The following RORA variants were observed in gnomAD, a reference collection of about 807,000 sequenced individuals.
RORA encodes nuclear receptor ROR-alpha.
Under a neutral mutation model 69.5 loss-of-function variants are expected in RORA, and 7 were observed. That is an observed-to-expected ratio of 0.10 (90% confidence interval 0.06 to 0.19). RORA has a LOEUF of 0.19. Ranked by LOEUF, RORA falls within the 10% of genes least tolerant of loss-of-function variation. The pLI is 1.00. For missense variants in RORA, 457 were observed against 663.0 expected, an observed-to-expected ratio of 0.69 and a Z score of 3.41; for synonymous variants, 261 against 240.8, an observed-to-expected ratio of 1.08 and a Z score of -0.78.
chr15:60,980,273 T>A (rs989751265), intron 1 of RORA, among the ~76,000 whole-genome samples: 1 of 152,194 alleles, frequency 6.6e-6, no homozygotes, highest in African/African-American at 2.4e-5. Context: ...GCTGTTGGAT[T>A]CTGTTTGCTA....
At chr15:60,892,595 T>C (rs1281567557) in intron 1 of RORA, among the ~76,000 whole-genome samples, 1 of 152,214 alleles carries the variant, frequency 6.6e-6, no homozygotes, top group Admixed American at 6.5e-5. Context: ...GTATCACGAA[T>C]ATACAATCAA....
intron 1 of RORA, among the ~76,000 whole-genome samples, chr15:60,775,354 A>G (rs1168094578): frequency 1.3e-5 from 2 of 152,096 alleles, no homozygotes; most frequent in Non-Finnish European, 2.9e-5. Context: ...AAGGAAAAAA[A>G]CCCCTGATTT....
chr15:60,871,510 A>T (rs957078314), intron 1 of RORA, among the ~76,000 whole-genome samples: 2 of 152,210 alleles, frequency 1.3e-5, no homozygotes, highest in Admixed American at 1.3e-4. Flanking sequence ...GCCATTCATC[A>T]AATAAATATT....
intron 1 of RORA, among the ~76,000 whole-genome samples, chr15:60,943,296 G>A (rs942940117): frequency 4.0e-5 from 6 of 148,824 alleles, no homozygotes; most frequent in Middle Eastern, 3.5e-3. Context: ...CCTCTCACAT[G>A]TCTTTCTTAA....
chr15:60,986,018 G>A (rs970688670), intron 1 of RORA, among the ~76,000 whole-genome samples: 3 of 152,222 alleles, frequency 2.0e-5, no homozygotes, highest in African/African-American at 7.2e-5. Flanking sequence ...GCAGTGAAAA[G>A]TCCCTGGGCC....
intron 1 of RORA, among the ~76,000 whole-genome samples, chr15:60,990,245 A>G (rs1326510124): frequency 6.6e-6 from 1 of 152,186 alleles, no homozygotes; most frequent in African/African-American, 2.4e-5. Flanking sequence ...TTTTAATTTG[A>G]CAATTAATAG....
chr15:60,656,217 G>A (rs2070219823), intron 2 of RORA, among the ~76,000 whole-genome samples: 1 of 152,140 alleles, frequency 6.6e-6, no homozygotes, highest in Non-Finnish European at 1.5e-5. Flanking sequence ...CGGAAACCAG[G>A]CCTAGCTGGA....
intron 2 of RORA, among the ~76,000 whole-genome samples, chr15:60,656,140 A>T (rs1319931979): frequency 6.6e-6 from 1 of 152,200 alleles, no homozygotes; most frequent in Non-Finnish European, 1.5e-5. Context: ...ATTGGCCCTT[A>T]GAATCAGAAT....
At chr15:60,544,142 C>G (rs1479050117) in intron 2 of RORA, among the ~76,000 whole-genome samples, 1 of 152,192 alleles carries the variant, frequency 6.6e-6, no homozygotes, top group African/African-American at 2.4e-5. Context: ...CCCTCTTTCT[C>G]CAGAGCTCAG....
In RORA at chr15:61,093,151, G is replaced by A. The variant is rs111398797; in HGVS notation, c.166+135902C>T. ...CCTATCTCATGTGACTGCAGTCACA[G>A]TATTTACTCATTTATTCCACAAAGA... On this transcript the variant is annotated intron_variant, in intron 1 of 10. Transcript: ENST00000335670. Among the ~76,000 whole-genome samples, 784 of 152,278 alleles carry A rather than the reference G, an allele frequency of 5.1e-3. 7 individuals are homozygous for A. The highest frequency in any genetic ancestry group is 0.02 in the Middle Eastern group (6 of 294).
rs532081702 is a variant in RORA, at chr15:61,161,149, A to G, written c.166+67904T>C. ...TTGCTCTGACTGAAGCAATGGGAGG[A>G]GAGATGATGCTGGAGCCAGAAGGAT... On this transcript the variant is annotated intron_variant, in intron 1 of 10. Coordinates refer to ENST00000335670, the MANE Select transcript of RORA (RefSeq NM_134261.3). Among the ~76,000 whole-genome samples, 5 of 152,256 alleles carry G rather than the reference A, an allele frequency of 3.3e-5. No homozygotes were observed. In the South Asian group the frequency reaches 1.0e-3, roughly 32 times the overall value.
chr15:60,912,244 C>A (rs1891745643), intron 1 of RORA, among the ~76,000 whole-genome samples: 1 of 151,778 alleles, frequency 6.6e-6, no homozygotes, highest in Non-Finnish European at 1.5e-5. Flanking sequence ...AACCCTGCCT[C>A]TACAAAAAAA....
intron 1 of RORA, among the ~76,000 whole-genome samples, chr15:61,106,493 C>T (rs2078950029): frequency 6.6e-6 from 1 of 152,170 alleles, no homozygotes; most frequent in Non-Finnish European, 1.5e-5. Flanking sequence ...GTAACTCTCT[C>T]CACCTGTGAT....
intron 2 of RORA, among the ~76,000 whole-genome samples, chr15:60,646,327 CCTTCCCTG>C (rs1413907968): frequency 3.4e-4 from 51 of 152,210 alleles, no homozygotes; most frequent in Non-Finnish European, 8.8e-5. Context: ...ATCTATGGAA[CCTTCCCTG>C]ATTCCCCAGG....
intron 1 of RORA, among the ~76,000 whole-genome samples, chr15:61,082,747 T>C (rs1192926754): frequency 2.0e-5 from 3 of 152,202 alleles, no homozygotes; most frequent in African/African-American, 7.2e-5. Context: ...TTTTTTTAGA[T>C]GCTAAATCAT....
intron 1 of RORA, among the ~76,000 whole-genome samples, chr15:60,799,598 A>C (rs1046621159): frequency 1.3e-5 from 2 of 151,888 alleles, no homozygotes; most frequent in African/African-American, 4.8e-5. Flanking sequence ...TGCGGGGGAG[A>C]TGAGTCACTA....
intron 2 of RORA, among the ~76,000 whole-genome samples, chr15:60,585,863 GA>G (rs71676062): frequency 0.4 from 60,103 of 151,888 alleles, 12,602 homozygotes; most frequent in East Asian, 0.64. Context: ...ATCTGGAATA[GA>G]AATGTCTCAT....
intron 2 of RORA, among the ~76,000 whole-genome samples, chr15:60,545,701 G>A (rs773029484): frequency 1.3e-5 from 2 of 152,186 alleles, no homozygotes; most frequent in Non-Finnish European, 2.9e-5. Context: ...CCATTTTAAA[G>A]TGAATCTGTT....
chr15:61,139,909 A>G (rs985379226), intron 1 of RORA, among the ~76,000 whole-genome samples: 3 of 152,304 alleles, frequency 2.0e-5, no homozygotes, highest in Non-Finnish European at 4.4e-5. Context: ...ATATAGTTAA[A>G]TGAATTGGAT....
Sources: gnomAD v4.1 joint callset for allele counts (sites outside exome capture counted in the v4.1 genomes callset) on GRCh38, gnomAD v4.1.1 for gene constraint, MANE v1.5 for transcripts, NCBI Gene and HGNC (gene_info 2026-07-23, HGNC 2026-07-21) for gene names.